SLC35F4: variants seen among roughly 807,000 people sequenced by gnomAD.
SLC35F4 encodes solute carrier family 35 member F4, also known as chromosome 14 open reading frame 36.
A neutral mutation model predicts 44.2 loss-of-function variants in SLC35F4; 24 were observed. The ratio of observed to expected loss-of-function variants is 0.54; its 90% CI spans 0.39 to 0.76. The LOEUF is 0.76. Ranked by LOEUF, SLC35F4 falls within the 30% of genes least tolerant of loss-of-function variation. The pLI is 0.00. For synonymous variants in SLC35F4, 238 were observed against 223.6 expected, an observed-to-expected ratio of 1.06 and a Z score of -0.57; for missense variants, 562 against 586.1, an observed-to-expected ratio of 0.96 and a Z score of 0.42.
chr14:57,892,076 A>G, intron 1 of SLC35F4, among the ~76,000 whole-genome samples: 1 of 152,226 alleles, frequency 6.6e-6, no homozygotes, highest in East Asian at 1.9e-4. Flanking sequence ...TCAAAAATTC[A>G]TGTGTTCATT....
intron 1 of SLC35F4, among the ~76,000 whole-genome samples, chr14:57,865,110 C>G (rs1242782378): frequency 7.3e-6 from 1 of 137,356 alleles, no homozygotes; most frequent in Non-Finnish European, 1.5e-5. Flanking sequence ...GCTCCAAGCT[C>G]TGGGGCTCGG....
intron 1 of SLC35F4, among the ~76,000 whole-genome samples, chr14:57,750,696 G>A (rs1171868045): frequency 1.3e-5 from 2 of 152,122 alleles, no homozygotes; most frequent in South Asian, 2.1e-4. Context: ...ATGTCTATTC[G>A]TGTCCTTGGC....
chr14:57,835,069 T>C (rs934813847), intron 1 of SLC35F4, among the ~76,000 whole-genome samples: 1 of 152,146 alleles, frequency 6.6e-6, no homozygotes, highest in African/African-American at 2.4e-5. Context: ...CAAACTAGAA[T>C]GGTTGAAGTA....
At chr14:57,871,814 C>T (rs1706041964) in intron 1 of SLC35F4, among the ~76,000 whole-genome samples, 1 of 152,206 alleles carries the variant, frequency 6.6e-6, no homozygotes, top group Middle Eastern at 3.2e-3. Context: ...CCTCTGGCCC[C>T]ATGACCATCA....
intron 1 of SLC35F4, among the ~76,000 whole-genome samples, chr14:57,899,457 C>A (rs1385030191): frequency 6.6e-6 from 1 of 152,212 alleles, no homozygotes. Flanking sequence ...CACAGAGAAG[C>A]TGTGAGGAAC....
intron 1 of SLC35F4, among the ~76,000 whole-genome samples, chr14:57,661,057 A>C (rs2074121926): frequency 6.6e-6 from 1 of 152,222 alleles, no homozygotes; most frequent in Non-Finnish European, 1.5e-5. Flanking sequence ...ATAGTTTCAC[A>C]CAAAATTAAA....
At chr14:57,904,744 T>C (rs908083262) in intron 1 of SLC35F4, among the ~76,000 whole-genome samples, 2 of 152,140 alleles carry the variant, frequency 1.3e-5, no homozygotes, top group African/African-American at 4.8e-5. Context: ...CAAGTGAGGC[T>C]CAGAGTTAAA....
intron 1 of SLC35F4, among the ~76,000 whole-genome samples, chr14:57,628,001 A>G (rs1246862226): frequency 6.6e-6 from 1 of 152,102 alleles, no homozygotes; most frequent in Non-Finnish European, 1.5e-5. Context: ...GTAGAAAAAC[A>G]TACATTTTAT....
At chr14:57,773,103 T>C (rs1011069775) in intron 1 of SLC35F4, among the ~76,000 whole-genome samples, 2 of 152,222 alleles carry the variant, frequency 1.3e-5, no homozygotes, top group African/African-American at 2.4e-5. Flanking sequence ...ATGTTGAGCA[T>C]TTTTTCATGG....
At chr14:57,727,863 T>A (rs368809910) in intron 1 of SLC35F4, among the ~76,000 whole-genome samples, 1 of 152,246 alleles carries the variant, frequency 6.6e-6, no homozygotes, top group African/African-American at 2.4e-5. Flanking sequence ...TGTGCAGCCA[T>A]TGGATGAAAT....
intron 1 of SLC35F4, among the ~76,000 whole-genome samples, chr14:57,650,536 T>C (rs1449890747): frequency 6.6e-6 from 1 of 152,080 alleles, no homozygotes; most frequent in Non-Finnish European, 1.5e-5. Flanking sequence ...TGTCACCTAA[T>C]TCATACCTCT....
intron 1 of SLC35F4, among the ~76,000 whole-genome samples, chr14:57,747,520 A>G (rs538551141): frequency 5.3e-5 from 8 of 152,242 alleles, no homozygotes; most frequent in African/African-American, 1.9e-4. Context: ...TGTGAACCCT[A>G]ATGTACCCAC....
intron 1 of SLC35F4, among the ~76,000 whole-genome samples, chr14:57,671,172 A>G (rs552256604): frequency 2.6e-5 from 4 of 152,022 alleles, no homozygotes; most frequent in African/African-American, 9.7e-5. Context: ...GCAGGTGCCC[A>G]TCCTCCAGCA....
chr14:57,865,351 C>A (rs1164861567), intron 1 of SLC35F4, among the ~76,000 whole-genome samples: 1 of 152,004 alleles, frequency 6.6e-6, no homozygotes, highest in African/African-American at 2.4e-5. Flanking sequence ...GGCATGTATC[C>A]CCTAGGGCTG....
chr14:57,609,697 G>A (rs2071379407), intron 1 of SLC35F4, among the ~76,000 whole-genome samples: 1 of 152,156 alleles, frequency 6.6e-6, no homozygotes, highest in African/African-American at 2.4e-5. Context: ...TTTATCTGAT[G>A]GAGTGAAAGA....
intron 1 of SLC35F4, among the ~76,000 whole-genome samples, chr14:57,978,466 C>G (rs1230160093): frequency 1.3e-5 from 2 of 152,158 alleles, no homozygotes; most frequent in East Asian, 3.9e-4. Context: ...CCAAGTGACT[C>G]AATTTATGGT....
intron 1 of SLC35F4, among the ~76,000 whole-genome samples, chr14:57,621,873 AAC>A (rs2072199199): frequency 2.0e-5 from 3 of 150,542 alleles, no homozygotes; most frequent in Admixed American, 1.3e-4. Context: ...CATCAGAGTG[AAC>A]AGGCAACCCA....
At chr14:57,661,798 G>A (rs1007538169) in intron 1 of SLC35F4, among the ~76,000 whole-genome samples, 2 of 152,142 alleles carry the variant, frequency 1.3e-5, no homozygotes, top group African/African-American at 4.8e-5. Flanking sequence ...CACTTCCAAA[G>A]TTTTTGATTC....
downstream of SLC35F4, among the ~76,000 whole-genome samples, chr14:57,976,300 T>C (rs1386353619): frequency 6.6e-6 from 1 of 152,172 alleles, no homozygotes; most frequent in East Asian, 1.9e-4. Flanking sequence ...GCAATTGTAT[T>C]CCTTGGAAGG....
Sources: gnomAD v4.1 joint callset for allele counts (sites outside exome capture counted in the v4.1 genomes callset) on GRCh38, gnomAD v4.1.1 for gene constraint, MANE v1.5 for transcripts, NCBI Gene and HGNC (gene_info 2026-07-23, HGNC 2026-07-21) for gene names.